The following EIF3B variants were observed in gnomAD, a reference collection of about 807,000 sequenced individuals.
The protein encoded by EIF3B is eukaryotic translation initiation factor 3 subunit 9.
A neutral mutation model predicts 104.6 loss-of-function variants in EIF3B; 10 were observed. The observed-to-expected ratio is 0.10, with a 90% CI of 0.06 to 0.16. The LOEUF is 0.16. Ranked by LOEUF, EIF3B falls within the 10% of genes least tolerant of loss-of-function variation. EIF3B has a pLI of 1.00. For missense variants in EIF3B, 1,014 were observed against 1,087.9 expected, an observed-to-expected ratio of 0.93 and a Z score of 0.96; for synonymous variants, 542 against 417.2, an observed-to-expected ratio of 1.30 and a Z score of -3.65.
rs1256268807 is a variant in EIF3B at position 2,380,294 on chromosome 7, T to C, written c.*105T>C. On this transcript the variant is annotated 3_prime_UTR_variant, in exon 19 of 19. Transcript: ENST00000360876. ...TCTGTTGCAGCGCAGCCGTGTGTGC[T>C]GTGGAGCCGAGGCCGTCCTGCAGGA... 2 of 514,404 alleles carry C rather than the reference T, an allele frequency of 3.9e-6. No homozygotes were observed. Among genetic ancestry groups the C allele is most frequent in the South Asian group, 1.4e-5 (1 of 70,732 alleles). 31.9% of individuals were successfully genotyped at this position (514,404 alleles called of 1,614,324 possible). A position where few individuals can be genotyped will look rare whatever the true frequency, so the allele number is the denominator to read the frequency against.
At chr7:2,366,001 G>T in intron 6 of EIF3B, among the ~76,000 whole-genome samples, 1 of 152,044 alleles carries the variant, frequency 6.6e-6, no homozygotes, top group Non-Finnish European at 1.5e-5. Context: ...TTTTTAACTT[G>T]TTAGTCTTTA....
At chr7:2,359,122 C>T (rs1779607346) in intron 1 of EIF3B, among the ~76,000 whole-genome samples, 1 of 152,158 alleles carries the variant, frequency 6.6e-6, no homozygotes, top group African/African-American at 2.4e-5. Context: ...AAGTGCCGGT[C>T]TCTGCCCTGA....
rs374813967 is a variant in EIF3B at position 2,363,743 on chromosome 7, T to G, written c.982T>G (p.Ser328Ala). 68 of 1,613,886 alleles carry G rather than the reference T, an allele frequency of 4.2e-5. No individual in the cohort carries two copies. The highest frequency in any genetic ancestry group is 5.3e-5 in the Non-Finnish European group (63 of 1,179,972). The stretch of plus-strand genomic sequence containing the variant: ...CTGGAATGACGTAAAAGACCCTGTC[T>G]CAATTGAAGAAAGAGCGGTGTGTAT... ...IFWNDVKDPV[S>A]IEERARWTET... Residue 328 changes from serine (S) to alanine (A), a missense_variant, in exon 5 of 19, where the codon TCA becomes GCA. Around this residue, in one of 4 missense-constraint regions of EIF3B, gnomAD observed 201 missense variants for 240.7 expected, o/e 0.83. Coordinates refer to ENST00000360876, the MANE Select transcript of EIF3B (RefSeq NM_001037283.2).
intron 16 of EIF3B, 183 bp from the exon 17 acceptor site, chr7:2,378,951 C>A (rs950191357): frequency 9.1e-5 from 67 of 736,968 alleles, no homozygotes; most frequent in Admixed American, 2.6e-5. Flanking sequence ...AGTTGGTGAC[C>A]TCACTGCTGC....
Position 2,360,707 on chromosome 7 carries a change from C to T in EIF3B, c.500-3C>T. The T allele has an allele frequency of 1.3e-5, 20 of 1,571,874 alleles. No homozygotes were observed. Among genetic ancestry groups the T allele is most frequent in the Non-Finnish European group, 1.7e-5 (19 of 1,151,344 alleles). ...GATCATTTGAAAAATCTCTCTTGTT[C>T]AGAATTACTGGGAGATGTACTCAAA... On this transcript the variant is annotated splice_region_variant and splice_polypyrimidine_tract_variant and intron_variant, in intron 1 of 18. Coordinates refer to ENST00000360876, the MANE Select transcript of EIF3B (RefSeq NM_001037283.2).
chr7:2,380,455 C>G lies in EIF3B; in HGVS notation c.*266C>G, dbSNP rs1780942954. The G allele has an allele frequency of 2.0e-6, 1 of 511,368 alleles. No homozygotes were observed. Among genetic ancestry groups the G allele is most frequent in the Admixed American group, 2.0e-5 (1 of 49,866 alleles). The allele number at this position is 511,368 out of a possible 1,614,324, so 31.7% of individuals were successfully genotyped here. On this transcript the variant is annotated 3_prime_UTR_variant, in exon 19 of 19. Coordinates refer to ENST00000360876, the MANE Select transcript of EIF3B (RefSeq NM_001037283.2). Reference sequence around the variant, plus strand: ...GTGGGGGATTTAAGGCACCCGCTTCCACTTCTTTCTTGTTTGGAGTTTTCT... The same window carrying G: ...GTGGGGGATTTAAGGCACCCGCTTCGACTTCTTTCTTGTTTGGAGTTTTCT...
intron 6 of EIF3B, 96 bp from the exon 7 acceptor site, chr7:2,366,221 G>A: frequency 7.4e-7 from 1 of 1,359,446 alleles, no homozygotes; most frequent in Non-Finnish European, 1.0e-6. Context: ...GAGAGAGCTG[G>A]TTCCGCGAGT....
chr7:2,359,472 G>C (rs895517435), intron 1 of EIF3B, among the ~76,000 whole-genome samples: 3 of 152,242 alleles, frequency 2.0e-5, no homozygotes, highest in African/African-American at 7.2e-5. Flanking sequence ...CAGCGGAACA[G>C]GTGGAGGCTT....
intron 6 of EIF3B, among the ~76,000 whole-genome samples, chr7:2,365,682 T>TGG (rs1285035158): frequency 6.9e-4 from 7 of 10,206 alleles, no homozygotes; most frequent in African/African-American, 3.3e-3. Context: ...TTTGTTTTGT[T>TGG]TTTTTTTTTT....
chr7:2,375,261 C>T, intron 13 of EIF3B, 128 bp from the exon 14 acceptor site: 1 of 1,178,640 alleles, frequency 8.5e-7, no homozygotes, highest in East Asian at 2.4e-5. Context: ...GAGGCTGTTG[C>T]TGTGCTTGTT....
rs183878726 is a variant in EIF3B, at chr7:2,371,486, C to G, written c.1615-291C>G. On this transcript the variant is annotated intron_variant, in intron 10 of 18. Transcript: ENST00000360876. Reference sequence around the variant, plus strand: ...TGGCCTGCAGCCTGCAGTGTGGACCCTGGGACTGCTTGTGCCCAAGTGTGG... The same window carrying G: ...TGGCCTGCAGCCTGCAGTGTGGACCGTGGGACTGCTTGTGCCCAAGTGTGG... 8.8e-4 allele frequency among the ~76,000 whole-genome samples: 134 copies of G among 152,290 alleles called. 3 individuals are homozygous for G. The South Asian group carries it at 0.016, about 18-fold the overall frequency.
At chr7:2,357,719 G>T (rs368139005) in intron 1 of EIF3B, among the ~76,000 whole-genome samples, 1 of 152,154 alleles carries the variant, frequency 6.6e-6, no homozygotes, top group Non-Finnish European at 1.5e-5. Context: ...CATGAGCCAC[G>T]TGTAACCGAT....
intron 10 of EIF3B, 85 bp from the exon 11 acceptor site, chr7:2,371,692 C>G (rs1204341681): frequency 1.8e-6 from 2 of 1,087,216 alleles, no homozygotes; most frequent in East Asian, 2.4e-5. Flanking sequence ...CTGAATCTTT[C>G]ATTGTGACGT....
intron 1 of EIF3B, among the ~76,000 whole-genome samples, chr7:2,357,719 G>A (rs368139005): frequency 9.2e-5 from 14 of 152,272 alleles, no homozygotes; most frequent in African/African-American, 3.1e-4. Context: ...CATGAGCCAC[G>A]TGTAACCGAT....
At chr7:2,360,152 C>T (rs1332337304) in intron 1 of EIF3B, among the ~76,000 whole-genome samples, 1 of 152,150 alleles carries the variant, frequency 6.6e-6, no homozygotes, top group Non-Finnish European at 1.5e-5. Flanking sequence ...AGAAGAGTTA[C>T]TACTTTCATC....
chr7:2,366,317 G>C lies in EIF3B; in HGVS notation c.1158G>C (p.Arg386Ser). Reference sequence around the variant, plus strand: ...GTACAGTGTTGCCCTTCTCTTCTAGGTACCTGGTGACCTTTAGCCCCCTGA... The same window carrying C: ...GTACAGTGTTGCCCTTCTCTTCTAGCTACCTGGTGACCTTTAGCCCCCTGA... ...VQLIDFSPCE[R>S]YLVTFSPLMD... The change falls in exon 7 of 19, where the codon AGG becomes AGC. Residue 386 changes from arginine to serine, a missense_variant and splice_region_variant. Physicochemically the swap from Arg to Ser is moderately radical, Grantham distance 110. Coordinates refer to ENST00000360876, the MANE Select transcript of EIF3B (RefSeq NM_001037283.2). 6.2e-7 allele frequency: 1 copy of C among 1,603,372 alleles called. No homozygotes were observed. Among genetic ancestry groups the C allele is most frequent in the East Asian group, 2.2e-5 (1 of 44,818 alleles).
intron 12 of EIF3B, 45 bp downstream of exon 12, chr7:2,372,840 A>T: frequency 6.3e-7 from 1 of 1,594,774 alleles, no homozygotes; most frequent in Non-Finnish European, 8.6e-7. Flanking sequence ...GTCAGCACAG[A>T]TGATGACCCA....
At chr7:2,370,689 C>T (rs1440603333) in intron 10 of EIF3B, among the ~76,000 whole-genome samples, 1 of 151,950 alleles carries the variant, frequency 6.6e-6, no homozygotes, top group Non-Finnish European at 1.5e-5. Context: ...GCGGTGGCTC[C>T]CCCGGGGTGG....
chr7:2,355,417 G>A lies in EIF3B; in HGVS notation c.496G>A (p.Glu166Lys). ...PEDFVDDVSE[E>K]ELLGDVLKDR... ...GGACTTCGTGGACGACGTGAGCGAG[G>A]AAGGTGAGGGCGCCCGGGGCGGGGC... The change falls in exon 1 of 19, where the codon GAA (glutamate) becomes AAA (lysine). Residue 166 changes from glutamate (E) to lysine (K), a missense_variant. Transcript: ENST00000360876. 1 of 1,452,056 alleles carries A rather than the reference G, an allele frequency of 6.9e-7. No individual in the cohort carries two copies. The highest frequency in any genetic ancestry group is 9.1e-7 in the Non-Finnish European group (1 of 1,101,626). The allele number at this position is 1,452,056 out of a possible 1,614,324, so 89.9% of individuals were successfully genotyped here. A position where few individuals can be genotyped will look rare whatever the true frequency, so the allele number is the denominator to read the frequency against.
Sources: gnomAD v4.1 joint callset for allele counts (sites outside exome capture counted in the v4.1 genomes callset) on GRCh38, gnomAD v4.1.1 for gene constraint, gnomAD v4.1.1 regional missense constraint, MANE v1.5 for transcripts, NCBI Gene and HGNC (gene_info 2026-07-23, HGNC 2026-07-21) for gene names.